CPQ: variants seen among roughly 807,000 people sequenced by gnomAD.
CPQ encodes the protein carboxypeptidase Q.
A neutral mutation model predicts 45.7 loss-of-function variants in CPQ; 37 were observed. That is an observed-to-expected ratio of 0.81 (90% CI 0.62 to 1.07). The LOEUF (loss-of-function observed/expected upper bound fraction) is 1.07, where lower values mean the gene tolerates loss of function less well. Ranked by LOEUF, CPQ falls within the 50% of genes least tolerant of loss-of-function variation. The probability of loss-of-function intolerance (pLI) is 0.00; values close to 1 mark genes in which losing one functional copy is unlikely to be tolerated. For synonymous variants in CPQ, 186 were observed against 205.8 expected, an observed-to-expected ratio of 0.90 and a Z score of 0.82; for missense variants, 537 against 572.9, an observed-to-expected ratio of 0.94 and a Z score of 0.64.
chr8:96,743,139 A>T (rs1810120300), intron 1 of CPQ, among the ~76,000 whole-genome samples: 1 of 151,704 alleles, frequency 6.6e-6, no homozygotes, highest in African/African-American at 2.4e-5. Flanking sequence ...TGGTCTTTTC[A>T]CGTAGTCCCA....
intron 3 of CPQ, among the ~76,000 whole-genome samples, chr8:96,864,885 G>C (rs1811976724): frequency 6.6e-6 from 1 of 151,956 alleles, no homozygotes; most frequent in South Asian, 2.1e-4. Context: ...TGTAGGTATT[G>C]ATTCAAATTC....
At chr8:96,666,143 G>A (rs763382309) in intron 1 of CPQ, among the ~76,000 whole-genome samples, 1 of 152,122 alleles carries the variant, frequency 6.6e-6, no homozygotes, top group Non-Finnish European at 1.5e-5. Context: ...GCTCTGGGTT[G>A]TAGAGTTCTT....
intron 6 of CPQ, among the ~76,000 whole-genome samples, chr8:97,047,058 G>A (rs1261467119): frequency 6.6e-6 from 1 of 152,030 alleles, no homozygotes; most frequent in Non-Finnish European, 1.5e-5. Flanking sequence ...AAACAAATAT[G>A]TAACAAGTTC....
chr8:97,029,343 T>C (rs935394325), intron 5 of CPQ, 60 bp from the exon 6 acceptor site: 1 of 1,504,616 alleles, frequency 6.6e-7, no homozygotes, highest in Non-Finnish European at 9.0e-7. Flanking sequence ...GACCCTGCCA[T>C]TTTTTTATAA....
chr8:96,867,752 G>A (rs1272270455), intron 3 of CPQ, among the ~76,000 whole-genome samples: 1 of 151,870 alleles, frequency 6.6e-6, no homozygotes, highest in Non-Finnish European at 1.5e-5. Context: ...CTTTCTTGTG[G>A]CATTAAATAT....
chr8:96,988,772 C>T (rs1449453835), intron 5 of CPQ, among the ~76,000 whole-genome samples: 1 of 152,124 alleles, frequency 6.6e-6, no homozygotes, highest in African/African-American at 2.4e-5. Context: ...AGAAATGCCT[C>T]CCCCTTTAGT....
intron 7 of CPQ, among the ~76,000 whole-genome samples, chr8:97,086,326 G>T (rs189183252): frequency 1.6e-3 from 249 of 152,212 alleles, no homozygotes; most frequent in Non-Finnish European, 2.9e-3. Context: ...AAGACCATAA[G>T]GTGCCAAATA....
chr8:96,767,015 C>G (rs1437547149), intron 1 of CPQ, among the ~76,000 whole-genome samples: 4 of 152,178 alleles, frequency 2.6e-5, no homozygotes, highest in Non-Finnish European at 5.9e-5. Context: ...TCCTGCACAG[C>G]TGTCACAACA....
intron 7 of CPQ, among the ~76,000 whole-genome samples, chr8:97,123,063 AAAAAAAATAAAATAAAAT>A (rs1811763643): frequency 2.0e-5 from 2 of 100,060 alleles, no homozygotes; most frequent in African/African-American, 5.5e-5. Context: ...AAAATAAAAT[AAAAAAAATAAAATAAAAT>A]AAATAAAATA....
intron 4 of CPQ, among the ~76,000 whole-genome samples, chr8:96,924,751 C>T (rs1204846442): frequency 6.6e-6 from 1 of 152,074 alleles, no homozygotes; most frequent in East Asian, 1.9e-4. Flanking sequence ...GAGTATTTGG[C>T]TTGGGGGGCT....
intron 1 of CPQ, among the ~76,000 whole-genome samples, chr8:96,754,187 G>A (rs1311268736): frequency 2.6e-5 from 4 of 152,030 alleles, no homozygotes; most frequent in African/African-American, 9.7e-5. Context: ...TTCTTGAAAT[G>A]CATTCTAAGA....
intron 7 of CPQ, among the ~76,000 whole-genome samples, chr8:97,096,641 T>C (rs996562263): frequency 1.3e-5 from 2 of 152,214 alleles, no homozygotes; most frequent in Non-Finnish European, 2.9e-5. Context: ...GGCAGAGGAT[T>C]GAAGAGTGCA....
At chr8:96,775,617 G>T (rs970735581) in intron 1 of CPQ, among the ~76,000 whole-genome samples, 1 of 152,198 alleles carries the variant, frequency 6.6e-6, no homozygotes, top group East Asian at 1.9e-4. Flanking sequence ...TCTTGAAAGA[G>T]TCAACTTGCA....
Position 96,784,865 on chromosome 8 carries a change from T to C in CPQ, c.-33T>C. 6.4e-7 allele frequency: 1 copy of C among 1,563,254 alleles called. No homozygotes were observed. Among genetic ancestry groups the C allele is most frequent in the Non-Finnish European group, 8.7e-7 (1 of 1,154,198 alleles). On this transcript the variant is annotated splice_region_variant and 5_prime_UTR_variant, in exon 2 of 8. Transcript: ENST00000220763. Reference sequence around the variant, plus strand: ...ACATAATGTTTCTTATTTATGTAGATTATCTTAACAAGAAAACCAACTGGA... The same window carrying C: ...ACATAATGTTTCTTATTTATGTAGACTATCTTAACAAGAAAACCAACTGGA...
chr8:97,066,760 G>A (rs1009760348), intron 7 of CPQ, among the ~76,000 whole-genome samples: 1 of 151,964 alleles, frequency 6.6e-6, no homozygotes, highest in Non-Finnish European at 1.5e-5. Context: ...TGTGCAAGAG[G>A]TTGAGCATAA....
intron 4 of CPQ, among the ~76,000 whole-genome samples, chr8:96,962,763 T>C (rs937428044): frequency 6.6e-6 from 1 of 152,248 alleles, no homozygotes; most frequent in African/African-American, 2.4e-5. Context: ...TCTAAGTGTA[T>C]GCAGAAGCTC....
At chr8:96,804,474 G>A (rs1811050875) in intron 2 of CPQ, among the ~76,000 whole-genome samples, 1 of 151,826 alleles carries the variant, frequency 6.6e-6, no homozygotes, top group Admixed American at 6.6e-5. Context: ...AACTATCTAG[G>A]GTTAGTTTCT....
At chr8:97,132,253 A>ATATTAC (rs1811970644) in intron 7 of CPQ, among the ~76,000 whole-genome samples, 1 of 152,098 alleles carries the variant, frequency 6.6e-6, no homozygotes, top group African/African-American at 2.4e-5. Context: ...GACCTATCTC[A>ATATTAC]TATTACTGTG....
chr8:96,957,004 A>C (rs530365721), intron 4 of CPQ, among the ~76,000 whole-genome samples: 1 of 152,334 alleles, frequency 6.6e-6, no homozygotes, highest in Admixed American at 6.5e-5. Flanking sequence ...GCTTGCGCTG[A>C]TTTTTAAGAT....
Sources: gnomAD v4.1 joint callset for allele counts (sites outside exome capture counted in the v4.1 genomes callset) on GRCh38, gnomAD v4.1.1 for gene constraint, MANE v1.5 for transcripts, NCBI Gene and HGNC (gene_info 2026-07-23, HGNC 2026-07-21) for gene names.